Variants in POLN observed in about 807,000 individuals in gnomAD.
POLN encodes DNA polymerase nu.
In POLN, 108 loss-of-function variants were observed where a neutral mutation model predicts 113.5. That is an observed-to-expected ratio of 0.95 (90% CI 0.81 to 1.12). POLN has a LOEUF of 1.12. Ranked by LOEUF, POLN falls within the 50% of genes most tolerant of loss-of-function variation. The probability of loss-of-function intolerance (pLI) is 0.00; values close to 1 mark genes in which losing one functional copy is unlikely to be tolerated. For synonymous variants in POLN, 386 were observed against 391.5 expected, an observed-to-expected ratio of 0.99 and a Z score of 0.17; for missense variants, 1,097 against 1,077.1, an observed-to-expected ratio of 1.02 and a Z score of -0.26.
chr4:2,105,239 C>G (rs1293924709), intron 19 of POLN, among the ~76,000 whole-genome samples: 1 of 152,138 alleles, frequency 6.6e-6, no homozygotes, highest in African/African-American at 2.4e-5. Context: ...TCATCACTTC[C>G]ACCTCCTAAT....
intron 19 of POLN, among the ~76,000 whole-genome samples, chr4:2,101,263 C>CT (rs556949755): frequency 6.6e-6 from 1 of 151,834 alleles, no homozygotes. Context: ...TAAGAAATGT[C>CT]TTTTTTTTCA....
intron 7 of POLN, among the ~76,000 whole-genome samples, chr4:2,188,846 A>T (rs1733353798): frequency 6.6e-6 from 1 of 152,192 alleles, no homozygotes; most frequent in African/African-American, 2.4e-5. Flanking sequence ...AAAAACACAT[A>T]AATCGAGGCA....
At chr4:2,240,191 T>C (rs190825674) in intron 2 of POLN, 2 of 1,614,116 alleles carry the variant, frequency 1.2e-6, no homozygotes, top group Admixed American at 1.7e-5. Context: ...CAAGGATTTC[T>C]TGATTATCAC....
Position 2,242,047 on chromosome 4 carries a change from T to TCA in POLN, c.-284+2_-284+3dup. 2.0e-6 allele frequency: 2 copies of TCA among 985,580 alleles called. No homozygotes were observed. Among genetic ancestry groups the TCA allele is most frequent in the Non-Finnish European group, 2.4e-6 (2 of 830,044 alleles). 61.1% of individuals were successfully genotyped at this position (985,580 alleles called of 1,614,324 possible). On this transcript the variant is annotated splice_donor_region_variant and intron_variant, in intron 1 of 25. Transcript: ENST00000511885. ...CGCCCAGAACCGAGGCCCGCGTCAG[T>TCA]CACCTCAGGAAGTTCCGCTTGCTTC...
chr4:2,152,342 T>A (rs1298016210), intron 16 of POLN, among the ~76,000 whole-genome samples: 1 of 130,692 alleles, frequency 7.7e-6, no homozygotes. Context: ...CTGGCCTGAT[T>A]TTTTTTTTTT....
chr4:2,099,473 A>T (rs613848), intron 19 of POLN, among the ~76,000 whole-genome samples: 1 of 152,114 alleles, frequency 6.6e-6, no homozygotes, highest in African/African-American at 2.4e-5. Context: ...ACAAACACCA[A>T]TTGAGGGACA....
At position 2,176,305 on chromosome 4, in the gene POLN, T is replaced by C. The variant is rs780180735; in HGVS notation, c.1209A>G (p.Thr403=). 1.3e-6 allele frequency: 2 copies of C among 1,599,456 alleles called. No individual in the cohort carries two copies. The highest frequency in any genetic ancestry group is 1.1e-5 in the South Asian group (1 of 87,598). ...VNQNVRENLK[T]LYRLTMDLCS... ...AAAGGTCCATTGTAAGTCTGTAGAG[T>C]GTCTTCAGGTTCTCACGTACATTCT... Residue 403 remains threonine, a synonymous_variant, in exon 9 of 26, where the codon ACA becomes ACG. Transcript: ENST00000511885.
chr4:2,233,749 A>G (rs1300742944), intron 2 of POLN, among the ~76,000 whole-genome samples: 5 of 152,250 alleles, frequency 3.3e-5, no homozygotes, highest in Non-Finnish European at 7.3e-5. Flanking sequence ...AGTATGAAAA[A>G]CAAAAATTCT....
At chr4:2,173,330 A>T (rs1237021998) in intron 11 of POLN, among the ~76,000 whole-genome samples, 1 of 152,152 alleles carries the variant, frequency 6.6e-6, no homozygotes, top group African/African-American at 2.4e-5. Flanking sequence ...TACATGAGAA[A>T]ATGTATTACG....
chr4:2,195,740 G>A (rs1463124696), intron 6 of POLN, among the ~76,000 whole-genome samples: 1 of 152,228 alleles, frequency 6.6e-6, no homozygotes, highest in East Asian at 1.9e-4. Context: ...ACCTCAGCCT[G>A]AGCCACTGTT....
chr4:2,239,557 T>C (rs1734895308), intron 2 of POLN, among the ~76,000 whole-genome samples: 1 of 152,120 alleles, frequency 6.6e-6, no homozygotes. Context: ...GAAAACAAGC[T>C]CTCCAAGAGT....
In POLN at chr4:2,238,616, T is replaced by C; in HGVS notation, c.-13+2904A>G. 1.9e-6 allele frequency: 3 copies of C among 1,591,082 alleles called. No homozygotes were observed. The South Asian group carries it at 3.3e-5, about 18-fold the overall frequency. ...GAAGCATACGTACCTATGAGTAGAA[T>C]AATCCTTAGTATCAATGGTATTCCT... On this transcript the variant is annotated intron_variant, in intron 2 of 25. Coordinates refer to ENST00000511885, the MANE Select transcript of POLN (RefSeq NM_181808.4).
chr4:2,149,317 A>G (rs1454583720), intron 16 of POLN, among the ~76,000 whole-genome samples: 1 of 151,990 alleles, frequency 6.6e-6, no homozygotes, highest in East Asian at 1.9e-4. Context: ...ACAAACAAAC[A>G]AACAAACAAC....
At chr4:2,230,877 T>A (rs1423985864) in intron 2 of POLN, 2 of 152,192 alleles carry the variant, frequency 1.3e-5, no homozygotes, top group Admixed American at 1.3e-4. Context: ...CTTAAAATAT[T>A]TTCTGGCTGC....
At chr4:2,123,624 C>CAA (rs771462226) in intron 19 of POLN, among the ~76,000 whole-genome samples, 9,262 of 54,278 alleles carry the variant, frequency 0.17, 642 homozygotes, top group Non-Finnish European at 0.25. Flanking sequence ...GACCCTGTCT[C>CAA]AAAAAAAAAA....
intron 19 of POLN, among the ~76,000 whole-genome samples, chr4:2,097,690 A>T (rs540671260): frequency 1.0e-3 from 152 of 152,122 alleles, no homozygotes; most frequent in African/African-American, 3.5e-3. Flanking sequence ...CTTTTTTTAG[A>T]GGTAGGGTCT....
At chr4:2,115,228 A>ATATATATATATT (rs72052264) in intron 19 of POLN, among the ~76,000 whole-genome samples, 5 of 129,984 alleles carry the variant, frequency 3.8e-5, no homozygotes, top group African/African-American at 1.5e-4. Context: ...ATATATATAT[A>ATATATATATATT]TTTTTTTTTT....
intron 20 of POLN, 76 bp from the exon 21 acceptor site, chr4:2,085,820 G>A (rs933856773): frequency 3.8e-5 from 61 of 1,584,458 alleles, no homozygotes; most frequent in Non-Finnish European, 5.1e-5. Flanking sequence ...AGTGAGTCAG[G>A]TCCAGCTGGC....
intron 13 of POLN, among the ~76,000 whole-genome samples, chr4:2,159,626 A>T (rs1481948845): frequency 6.6e-6 from 1 of 152,208 alleles, no homozygotes; most frequent in Admixed American, 6.5e-5. Context: ...AGAGAGTAAG[A>T]AAAGTTTGTT....
Sources: gnomAD v4.1 joint callset for allele counts (sites outside exome capture counted in the v4.1 genomes callset) on GRCh38, gnomAD v4.1.1 for gene constraint, MANE v1.5 for transcripts, NCBI Gene and HGNC (gene_info 2026-07-23, HGNC 2026-07-21) for gene names.